ADAM12: variants seen among roughly 807,000 people sequenced by gnomAD.
ADAM12 encodes the protein ADAM metallopeptidase domain 12.
ADAM12 carries 70 observed loss-of-function variants against 106.4 expected under a neutral mutation model. The ratio of observed to expected loss-of-function variants is 0.66; its 90% CI spans 0.54 to 0.80. The LOEUF is 0.80. Among genes scored for constraint, ADAM12 ranks in the 30% least tolerant of loss-of-function variants. The probability of loss-of-function intolerance (pLI) is 0.00; values close to 1 mark genes in which losing one functional copy is unlikely to be tolerated. For missense variants in ADAM12, 1,010 were observed against 1,171.9 expected (o/e 0.86, Z 2.02); for synonymous variants, 420 against 433.5 (o/e 0.97, Z 0.39).
chr10:126,121,905 A>C (rs933824542), intron 5 of ADAM12, among the ~76,000 whole-genome samples: 1 of 152,126 alleles, frequency 6.6e-6, no homozygotes, highest in Admixed American at 6.6e-5. Flanking sequence ...ATACAGACTA[A>C]TCAACTCATT....
chr10:126,038,113 C>T (rs1278251), intron 20 of ADAM12, 128 bp downstream of exon 20: 254,204 of 905,204 alleles, frequency 0.28, 37,371 homozygotes, highest in East Asian at 0.41. Context: ...TCAGAGCCTG[C>T]TGACCTAGTG....
intron 5 of ADAM12, among the ~76,000 whole-genome samples, chr10:126,134,084 T>G (rs1008004582): frequency 2.6e-5 from 4 of 152,210 alleles, no homozygotes; most frequent in Non-Finnish European, 4.4e-5. Context: ...GAGGAAGCAC[T>G]CAAGGAATGT....
rs143393494 is a variant in ADAM12 at position 126,210,434 on chromosome 10, C to G, written c.261-55129G>C. On this transcript the variant is annotated intron_variant, in intron 3 of 22. Coordinates refer to ENST00000448723, the MANE Select transcript of ADAM12 (RefSeq NM_001288973.2). ...CACCTAGCACCCGACCCTGGCAGGT[C>G]CCAATCCAGGAGGAGGCAATGACCA... Among the ~76,000 whole-genome samples the G allele has an allele frequency of 8.6e-3, 1,308 of 152,258 alleles. 17 individuals are homozygous for G. The highest frequency in any genetic ancestry group is 0.03 in the African/African-American group (1,234 of 41,536).
chr10:126,243,484 A>ATGT (rs1565162693), intron 3 of ADAM12, among the ~76,000 whole-genome samples: 4 of 137,242 alleles, frequency 2.9e-5, no homozygotes, highest in Admixed American at 7.3e-5. Flanking sequence ...TGTGTGTGTG[A>ATGT]GTGTATGTGT....
chr10:126,224,844 C>A (rs1958161814), intron 3 of ADAM12, among the ~76,000 whole-genome samples: 1 of 152,190 alleles, frequency 6.6e-6, no homozygotes, highest in African/African-American at 2.4e-5. Context: ...CCAGCTGTTT[C>A]ATGGAGGATC....
chr10:126,130,220 T>C (rs926945877), intron 5 of ADAM12, among the ~76,000 whole-genome samples: 1 of 152,024 alleles, frequency 6.6e-6, no homozygotes, highest in African/African-American at 2.4e-5. Context: ...CCAGTCTCAA[T>C]CAATTCTTCT....
intron 1 of ADAM12, among the ~76,000 whole-genome samples, chr10:126,384,894 G>A (rs1856609432): frequency 6.6e-6 from 1 of 152,076 alleles, no homozygotes; most frequent in Non-Finnish European, 1.5e-5. Context: ...ACAGGTTAAG[G>A]GCTCAGTCCC....
At chr10:126,240,958 A>G (rs998146996) in intron 3 of ADAM12, among the ~76,000 whole-genome samples, 2 of 152,252 alleles carry the variant, frequency 1.3e-5, no homozygotes, top group African/African-American at 4.8e-5. Context: ...AATAAAATCT[A>G]GAGTGTCATT....
Position 126,214,201 on chromosome 10 carries a change from G to A in ADAM12, c.261-58896C>T, listed in dbSNP as rs184879780. 1.3e-3 allele frequency among the ~76,000 whole-genome samples: 197 copies of A among 152,298 alleles called. 2 individuals carry two copies. Among genetic ancestry groups the A allele is most frequent in the Admixed American group, 0.012 (190 of 15,308 alleles). On this transcript the variant is annotated intron_variant, in intron 3 of 22. Transcript: ENST00000448723. ...AGCTACTAAGGAATGATTGTTGGCC[G>A]TGGTCGTATGCGCAGAACACCAGAT...
intron 9 of ADAM12, 96 bp from the exon 10 acceptor site, chr10:126,098,596 C>T (rs1366096519): frequency 4.0e-5 from 43 of 1,063,108 alleles, no homozygotes; most frequent in Admixed American, 1.6e-4. Context: ...CAATAAAATA[C>T]GCAAAAATAA....
chr10:126,284,669 C>T (rs769808300), intron 2 of ADAM12, among the ~76,000 whole-genome samples: 88 of 152,276 alleles, frequency 5.8e-4, no homozygotes, highest in Middle Eastern at 3.4e-3. Context: ...ACTACAGGCT[C>T]GAGCGATCAC....
intron 11 of ADAM12, among the ~76,000 whole-genome samples, chr10:126,079,809 T>A (rs1429809772): frequency 2.6e-5 from 4 of 152,170 alleles, no homozygotes; most frequent in African/African-American, 9.7e-5. Context: ...GATTTTGTGA[T>A]CACATGAAAG....
In ADAM12 at chr10:126,073,723, T is replaced by C. The variant is rs938872609; in HGVS notation, c.1146-2069A>G. Among the ~76,000 whole-genome samples, 5 of 152,328 alleles carry C rather than the reference T, an allele frequency of 3.3e-5. No homozygotes were observed. In the South Asian group the frequency reaches 8.3e-4, roughly 25 times the overall value. ...TATATTAATAATTCTAATTTACAAA[T>C]AAATTAATAAATGAAAGTGCTCCTC... is the stretch of plus-strand genomic sequence containing the variant. On this transcript the variant is annotated intron_variant, in intron 11 of 22. Coordinates refer to ENST00000448723, the MANE Select transcript of ADAM12 (RefSeq NM_001288973.2).
In ADAM12 at chr10:126,064,145, A is replaced by G. The variant is rs561438079; in HGVS notation, c.1609+661T>C. ...GGGTCAGAAGAGACAAAGTGTGCCA[A>G]GTGCCCAGCCTGAACTGGTGAAATG... On this transcript the variant is annotated intron_variant, in intron 14 of 22. Transcript: ENST00000448723. The surrounding 1 kb of genome is among the most constrained non-coding windows in gnomAD (Gnocchi z 4.4). Among the ~76,000 whole-genome samples, 1 of 152,328 alleles carries G rather than the reference A, an allele frequency of 6.6e-6. No individual in the cohort carries two copies. The highest frequency in any genetic ancestry group is 1.5e-5 in the Non-Finnish European group (1 of 68,018).
intron 2 of ADAM12, among the ~76,000 whole-genome samples, chr10:126,290,640 T>G (rs993646305): frequency 2.6e-5 from 4 of 152,190 alleles, no homozygotes; most frequent in African/African-American, 9.6e-5. Context: ...ATTTCCCAAA[T>G]TGCACCCTTT....
intron 11 of ADAM12, among the ~76,000 whole-genome samples, chr10:126,083,936 T>C (rs1955285556): frequency 6.6e-6 from 1 of 152,174 alleles, no homozygotes; most frequent in South Asian, 2.1e-4. Context: ...GCCTTATAAC[T>C]GGACGCTGAG....
intron 11 of ADAM12, among the ~76,000 whole-genome samples, chr10:126,087,428 T>C (rs903929042): frequency 1.3e-5 from 2 of 152,206 alleles, no homozygotes; most frequent in Non-Finnish European, 2.9e-5. Context: ...AAATTGATTC[T>C]AACTAGTAGT....
intron 18 of ADAM12, among the ~76,000 whole-genome samples, chr10:126,039,787 C>T (rs879922074): frequency 3.9e-5 from 6 of 152,114 alleles, no homozygotes; most frequent in African/African-American, 1.2e-4. Context: ...GGAATCACAG[C>T]CATCCCCAGG....
chr10:126,265,161 A>G (rs909099182), intron 3 of ADAM12, among the ~76,000 whole-genome samples: 5 of 152,184 alleles, frequency 3.3e-5, no homozygotes, highest in Non-Finnish European at 5.9e-5. Context: ...TGTGCAGCAT[A>G]TCACCAAATG....
Sources: gnomAD v4.1 joint callset for allele counts (sites outside exome capture counted in the v4.1 genomes callset) on GRCh38, gnomAD v4.1.1 for gene constraint, Gnocchi (gnomAD v3.1) non-coding constraint, MANE v1.5 for transcripts, NCBI Gene and HGNC (gene_info 2026-07-23, HGNC 2026-07-21) for gene names.